The following NLGN1 variants were observed in gnomAD, a reference collection of about 807,000 sequenced individuals.
The protein encoded by NLGN1 is neuroligin-1.
A neutral mutation model predicts 65.5 loss-of-function variants in NLGN1; 12 were observed. The observed-to-expected ratio is 0.18, with a 90% CI of 0.12 to 0.30. NLGN1 has a LOEUF of 0.30. Ranked by LOEUF, NLGN1 falls within the 10% of genes least tolerant of loss-of-function variation. The pLI, the probability that NLGN1 is intolerant of heterozygous loss-of-function variation, is 1.00. For synonymous variants in NLGN1, 350 were observed against 359.5 expected (o/e 0.97, Z 0.30); for missense variants, 750 against 1,007.1 (o/e 0.74, Z 3.46).
intron 4 of NLGN1, among the ~76,000 whole-genome samples, chr3:174,074,351 G>T (rs371563025): frequency 6.6e-6 from 1 of 152,100 alleles, no homozygotes; most frequent in African/African-American, 2.4e-5. Context: ...TTGGGGTGTT[G>T]TTTGTGATTA....
At chr3:174,183,259 G>A (rs1204457359) in intron 4 of NLGN1, among the ~76,000 whole-genome samples, 2 of 152,082 alleles carry the variant, frequency 1.3e-5, no homozygotes, top group East Asian at 3.9e-4. Context: ...GCAGAGTTAT[G>A]TATTTCAACG....
rs59051811 is a variant in NLGN1, at chr3:173,419,020, C to CT, written c.-389-15956dup. On this transcript the variant is annotated intron_variant, in intron 1 of 6. Coordinates refer to ENST00000457714, the Ensembl canonical transcript of NLGN1. Reference sequence around the variant, plus strand: ...TCTGTTCTTTAGCTTTCTTCTTCTTCTTTTTTTTTTTTTTTTTTTTTTTTT... The same window carrying CT: ...TCTGTTCTTTAGCTTTCTTCTTCTTCTTTTTTTTTTTTTTTTTTTTTTTTTT... Among the ~76,000 whole-genome samples the CT allele has an allele frequency of 4.0e-3, 49 of 12,256 alleles. 10 individuals carry two copies. Among genetic ancestry groups the CT allele is most frequent in the East Asian group, 8.1e-3 (2 of 248 alleles). 8.0% of individuals were successfully genotyped at this position (12,256 alleles called of 152,430 possible). A position where few individuals can be genotyped will look rare whatever the true frequency, so the allele number is the denominator to read the frequency against.
chr3:173,490,986 G>T (rs1051421598), intron 2 of NLGN1, among the ~76,000 whole-genome samples: 4 of 151,916 alleles, frequency 2.6e-5, no homozygotes, highest in Non-Finnish European at 4.4e-5. Flanking sequence ...AGCTTAAGGA[G>T]ATTTTGGGCT....
At chr3:173,411,208 T>C (rs1215750486) in intron 1 of NLGN1, among the ~76,000 whole-genome samples, 1 of 152,250 alleles carries the variant, frequency 6.6e-6, no homozygotes, top group African/African-American at 2.4e-5. Context: ...AAACTAATCA[T>C]TGGGACTGTA....
chr3:173,959,879 A>T (rs185779689), intron 4 of NLGN1, among the ~76,000 whole-genome samples: 1 of 152,190 alleles, frequency 6.6e-6, no homozygotes, highest in Admixed American at 6.5e-5. Flanking sequence ...TTAAACCACT[A>T]TGGCCTAAAT....
At chr3:173,883,814 C>CTTTTTT (rs74363696) in intron 4 of NLGN1, among the ~76,000 whole-genome samples, 2 of 96,480 alleles carry the variant, frequency 2.1e-5, no homozygotes, top group Non-Finnish European at 4.3e-5. Flanking sequence ...GGGAAACTTT[C>CTTTTTT]TTTTTTTTTT....
intron 1 of NLGN1, among the ~76,000 whole-genome samples, chr3:173,413,321 G>T (rs1712990259): frequency 6.6e-6 from 1 of 152,032 alleles, no homozygotes. Context: ...AGACTTCTCG[G>T]CCGGGTGCTG....
At chr3:173,556,974 A>G (rs892981929) in intron 2 of NLGN1, among the ~76,000 whole-genome samples, 1 of 152,178 alleles carries the variant, frequency 6.6e-6, no homozygotes, top group Non-Finnish European at 1.5e-5. Context: ...CTATATGGAT[A>G]TATAAATATA....
chr3:174,256,818 A>G (rs1428517073), intron 4 of NLGN1, among the ~76,000 whole-genome samples: 1 of 152,180 alleles, frequency 6.6e-6, no homozygotes, highest in Non-Finnish European at 1.5e-5. Context: ...CTAGAAGAAA[A>G]CCTAGGTAAT....
intron 4 of NLGN1, among the ~76,000 whole-genome samples, chr3:174,092,531 AT>A (rs1341265846): frequency 6.6e-6 from 1 of 152,076 alleles, no homozygotes; most frequent in African/African-American, 2.4e-5. Flanking sequence ...AAAAAAAAAA[AT>A]GAAAGTAATA....
intron 2 of NLGN1, among the ~76,000 whole-genome samples, chr3:173,542,040 T>C (rs567853101): frequency 1.3e-4 from 20 of 152,074 alleles, no homozygotes; most frequent in Non-Finnish European, 2.9e-4. Flanking sequence ...ATACTTAAAC[T>C]GTGATTTATG....
intron 1 of NLGN1, among the ~76,000 whole-genome samples, chr3:173,406,400 T>G (rs2148627472): frequency 6.6e-6 from 1 of 151,452 alleles, no homozygotes; most frequent in African/African-American, 2.4e-5. Context: ...CTTTTTTATT[T>G]TATCATTACT....
chr3:174,172,603 C>T (rs890361070), intron 4 of NLGN1, among the ~76,000 whole-genome samples: 10 of 151,936 alleles, frequency 6.6e-5, no homozygotes, highest in Admixed American at 1.3e-4. Context: ...TTCTTGGCAC[C>T]GCTGGCAAAA....
intron 4 of NLGN1, among the ~76,000 whole-genome samples, chr3:173,843,569 G>A (rs747788689): frequency 6.6e-6 from 1 of 152,128 alleles, no homozygotes; most frequent in African/African-American, 2.4e-5. Flanking sequence ...CAAGTTCAAA[G>A]TTTCACAAAT....
intron 4 of NLGN1, among the ~76,000 whole-genome samples, chr3:174,192,734 G>A (rs73038818): frequency 3.2e-4 from 49 of 152,242 alleles, no homozygotes; most frequent in African/African-American, 1.2e-3. Context: ...CTCACAAAGA[G>A]CTCAATTAAT....
intron 3 of NLGN1, among the ~76,000 whole-genome samples, chr3:173,624,341 G>A (rs1754492513): frequency 6.6e-6 from 1 of 152,142 alleles, no homozygotes; most frequent in Non-Finnish European, 1.5e-5. Context: ...TAGTAAGGAG[G>A]ATGAGTTTCA....
rs928220832 is a variant in NLGN1, at chr3:173,950,036, G to A, written c.646+142204G>A. Among the ~76,000 whole-genome samples the A allele has an allele frequency of 5.3e-5, 8 of 152,126 alleles. No homozygotes were observed. In the East Asian group the frequency reaches 5.8e-4, roughly 11 times the overall value. On this transcript the variant is annotated intron_variant, in intron 4 of 6. Coordinates refer to ENST00000457714, the Ensembl canonical transcript of NLGN1. ...ACTTAAACAAACATTGGGACCACAC[G>A]ATCACTTTATAATGAGATTTAGTAT...
At position 174,277,204 on chromosome 3, in the gene NLGN1, G is replaced by GA. The variant is rs745920269; in HGVS notation, c.860-1650dup. On this transcript the variant is annotated intron_variant, in intron 5 of 6. Transcript: ENST00000457714. Reference sequence around the variant, plus strand: ...CTGCCTGATTTTACCAGGAGATGCTGAAAAAAATCTCTTGAAATCATCAAG... The same window carrying GA: ...CTGCCTGATTTTACCAGGAGATGCTGAAAAAAAATCTCTTGAAATCATCAAG... Among the ~76,000 whole-genome samples, 8 of 151,952 alleles carry GA rather than the reference G, an allele frequency of 5.3e-5. No individual in the cohort carries two copies. The South Asian group carries it at 6.2e-4, about 12-fold the overall frequency.
intron 3 of NLGN1, among the ~76,000 whole-genome samples, chr3:173,674,373 T>C (rs189977611): frequency 2.1e-5 from 3 of 140,552 alleles, no homozygotes; most frequent in African/African-American, 7.3e-5. Flanking sequence ...TGCATTCATG[T>C]CATTATCCCA....
Sources: gnomAD v4.1 joint callset for allele counts (sites outside exome capture counted in the v4.1 genomes callset) on GRCh38, gnomAD v4.1.1 for gene constraint, MANE v1.5 for transcripts, NCBI Gene and HGNC (gene_info 2026-07-23, HGNC 2026-07-21) for gene names.